Variants in GSTCD observed in about 807,000 individuals in gnomAD.
GSTCD encodes glutathione S-transferase C-terminal domain containing, also known as glutathione S-transferase C-terminal domain-containing protein.
In GSTCD, 44 loss-of-function variants were observed where a neutral mutation model predicts 68.3. The observed-to-expected ratio is 0.64, with a 90% CI of 0.51 to 0.83. The LOEUF (loss-of-function observed/expected upper bound fraction) is 0.83. Among genes scored for constraint, GSTCD ranks in the 40% least tolerant of loss-of-function variants. The pLI, the probability that GSTCD is intolerant of heterozygous loss-of-function variation, is 0.00. For synonymous variants in GSTCD, 273 were observed against 255.2 expected (o/e 1.07, Z -0.67); for missense variants, 739 against 735.9 (o/e 1.00, Z -0.05).
intron 2 of GSTCD, among the ~76,000 whole-genome samples, chr4:105,718,555 A>G (rs111873045): frequency 0.044 from 6,769 of 152,250 alleles, 207 homozygotes; most frequent in Middle Eastern, 0.13. Context: ...TAAATTACTC[A>G]GCCTCACCTA....
intron 8 of GSTCD, among the ~76,000 whole-genome samples, chr4:105,827,460 T>C (rs1723691387): frequency 6.6e-6 from 1 of 152,198 alleles, no homozygotes; most frequent in South Asian, 2.1e-4. Context: ...TTTTTTCCTT[T>C]CATAATTACC....
intron 5 of GSTCD, among the ~76,000 whole-genome samples, chr4:105,809,082 C>T (rs928258906): frequency 6.6e-6 from 1 of 152,062 alleles, no homozygotes; most frequent in Non-Finnish European, 1.5e-5. Flanking sequence ...ACAGAAAAAA[C>T]TCATATGCTG....
chr4:105,842,191 GAT>G (rs1316423084), intron 11 of GSTCD, 57 bp downstream of exon 11: 1 of 1,379,770 alleles, frequency 7.2e-7, no homozygotes, highest in East Asian at 2.3e-5. Context: ...GACTGGGAAT[GAT>G]TGGACCAAGT....
chr4:105,731,188 G>C (rs556881294), intron 5 of GSTCD, among the ~76,000 whole-genome samples: 1 of 152,034 alleles, frequency 6.6e-6, no homozygotes, highest in African/African-American at 2.4e-5. Flanking sequence ...TTGTTCTTTT[G>C]GCTTAGGATT....
chr4:105,778,423 A>G (rs1233427548), intron 5 of GSTCD, among the ~76,000 whole-genome samples: 2 of 152,180 alleles, frequency 1.3e-5, no homozygotes, highest in Non-Finnish European at 2.9e-5. Flanking sequence ...TGCAATATCC[A>G]TTTAAAAGTA....
chr4:105,721,381 G>A (rs1732854084), intron 3 of GSTCD, among the ~76,000 whole-genome samples: 2 of 152,162 alleles, frequency 1.3e-5, no homozygotes, highest in Non-Finnish European at 2.9e-5. Context: ...GGTGAATGGA[G>A]TGGCCATCCA....
rs186894787 is a variant in GSTCD, at chr4:105,835,521, G to T, written c.1664+927G>T. ...ACTGTGAGCACTAGGGAACACAGTG[G>T]CAACCAGAAGCTTGGAAACGCCAGG... On this transcript the variant is annotated intron_variant, in intron 9 of 11. Coordinates refer to ENST00000515279, the MANE Select transcript of GSTCD (RefSeq NM_001370181.1). Among the ~76,000 whole-genome samples the T allele has an allele frequency of 7.7e-4, 117 of 152,220 alleles. 1 individual carries two copies. The highest frequency in any genetic ancestry group is 1.4e-3 in the East Asian group (7 of 5,142).
At chr4:105,787,935 C>T (rs1735526697) in intron 5 of GSTCD, among the ~76,000 whole-genome samples, 2 of 152,038 alleles carry the variant, frequency 1.3e-5, no homozygotes, top group African/African-American at 4.8e-5. Context: ...CATACATTTA[C>T]TGACTACAAA....
intron 5 of GSTCD, among the ~76,000 whole-genome samples, chr4:105,739,422 G>A (rs1422738850): frequency 6.6e-6 from 1 of 152,164 alleles, no homozygotes; most frequent in East Asian, 1.9e-4. Context: ...GGAAGAGTTT[G>A]AGAAGAACTG....
At chr4:105,770,543 C>T in intron 5 of GSTCD, among the ~76,000 whole-genome samples, 1 of 152,050 alleles carries the variant, frequency 6.6e-6, no homozygotes, top group East Asian at 1.9e-4. Context: ...CTCTAACAGG[C>T]CCTGGAGTAT....
chr4:105,783,483 A>G (rs574848762), intron 5 of GSTCD, among the ~76,000 whole-genome samples: 5 of 152,172 alleles, frequency 3.3e-5, no homozygotes, highest in Non-Finnish European at 7.4e-5. Flanking sequence ...AATAGTACAA[A>G]AAAATCCAGA....
intron 5 of GSTCD, among the ~76,000 whole-genome samples, chr4:105,733,169 T>A (rs1224000131): frequency 2.0e-5 from 3 of 152,316 alleles, no homozygotes; most frequent in South Asian, 4.1e-4. Flanking sequence ...ATTCTGTTGA[T>A]TTGGGATGGA....
At chr4:105,718,127 G>A (rs1419337772) in intron 2 of GSTCD, 88 bp downstream of exon 2, 1 of 1,043,904 alleles carries the variant, frequency 9.6e-7, no homozygotes, top group Non-Finnish European at 1.4e-6. Flanking sequence ...TTCCTATTAG[G>A]AATAAAAGTT....
chr4:105,719,350 G>C lies in GSTCD; in HGVS notation c.717G>C (p.Leu239=), dbSNP rs1732787232. ...GLDSSSKSLE[L]KVAFSKLTVQ... The stretch of plus-strand genomic sequence containing the variant: ...ATTCTTCATCCAAGAGTCTGGAACT[G>C]AAAGTGGCATTCTCAAAGCTCACAG... Residue 239 remains leucine, a synonymous_variant, in exon 3 of 12, where the codon CTG becomes CTC. Coordinates refer to ENST00000515279, the MANE Select transcript of GSTCD (RefSeq NM_001370181.1). 6.2e-7 allele frequency: 1 copy of C among 1,614,134 alleles called. No homozygotes were observed. Among genetic ancestry groups the C allele is most frequent in the African/African-American group, 1.3e-5 (1 of 75,054 alleles).
chr4:105,836,121 C>G (rs1173310970), intron 9 of GSTCD, among the ~76,000 whole-genome samples: 1 of 149,588 alleles, frequency 6.7e-6, no homozygotes, highest in Non-Finnish European at 1.5e-5. Flanking sequence ...CTACTCAGCT[C>G]TCAGGTGGAA....
chr4:105,827,223 C>G (rs1350053659), intron 8 of GSTCD: 1 of 152,124 alleles, frequency 6.6e-6, no homozygotes, highest in Non-Finnish European at 1.5e-5. Flanking sequence ...AGAATGGTAG[C>G]AAGTAAATGT....
chr4:105,796,620 T>G (rs1286018595), intron 5 of GSTCD, among the ~76,000 whole-genome samples: 1 of 152,212 alleles, frequency 6.6e-6, no homozygotes, highest in Non-Finnish European at 1.5e-5. Flanking sequence ...TCTGTTTTCC[T>G]GAATTTTGCC....
At position 105,719,471 on chromosome 4, in the gene GSTCD, GGGCTTTA is replaced by G; in HGVS notation, c.839_845del (p.Gly280AlafsTer18). On this transcript the variant is annotated frameshift_variant, in exon 3 of 12. Transcript: ENST00000515279. LOFTEE classifies it high-confidence loss of function. ...ACCTCTGGAGCATGTGTTTGCAGAA[GGGCTTTA>G]CTTCACTCTGGCAGATATTGTGCTC... 1 of 1,614,028 alleles carries G rather than the reference GGGCTTTA, an allele frequency of 6.2e-7. No individual in the cohort carries two copies. The highest frequency in any genetic ancestry group is 8.5e-7 in the Non-Finnish European group (1 of 1,179,962).
chr4:105,817,900 G>A (rs1723077060), intron 5 of GSTCD, among the ~76,000 whole-genome samples: 1 of 151,764 alleles, frequency 6.6e-6, no homozygotes, highest in African/African-American at 2.4e-5. Context: ...GCATAGCATC[G>A]ATATCTAACG....
Sources: gnomAD v4.1 joint callset for allele counts (sites outside exome capture counted in the v4.1 genomes callset) on GRCh38, gnomAD v4.1.1 for gene constraint, MANE v1.5 for transcripts, NCBI Gene and HGNC (gene_info 2026-07-23, HGNC 2026-07-21) for gene names.